The following GRIA1 variants were observed in gnomAD, a reference collection of about 807,000 sequenced individuals.
GRIA1 encodes the protein glutamate receptor 1.
GRIA1 carries 31 observed loss-of-function variants against 99.2 expected under a neutral mutation model. The ratio of observed to expected loss-of-function variants is 0.31; its 90% CI spans 0.23 to 0.42. The LOEUF (loss-of-function observed/expected upper bound fraction) is 0.42, where lower values mean the gene tolerates loss of function less well. GRIA1 is among the 10% of genes least tolerant of loss of function. GRIA1 has a pLI of 1.00. For missense variants in GRIA1, 782 were observed against 1,157.5 expected, an observed-to-expected ratio of 0.68 and a Z score of 4.71; for synonymous variants, 438 against 432.4, an observed-to-expected ratio of 1.01 and a Z score of -0.16.
chr5:153,529,616 G>A (rs1030932825), intron 2 of GRIA1, among the ~76,000 whole-genome samples: 2 of 152,164 alleles, frequency 1.3e-5, no homozygotes, highest in Admixed American at 1.3e-4. Flanking sequence ...CACCCTAAAA[G>A]TTGAGGGCAA....
chr5:153,680,264 G>A (rs1239836416), intron 7 of GRIA1, among the ~76,000 whole-genome samples: 1 of 152,000 alleles, frequency 6.6e-6, no homozygotes, highest in Non-Finnish European at 1.5e-5. Context: ...CCTAGCAGCA[G>A]AATGAAGATA....
chr5:153,524,986 C>T (rs1757473205), intron 2 of GRIA1, among the ~76,000 whole-genome samples: 1 of 152,190 alleles, frequency 6.6e-6, no homozygotes, highest in East Asian at 1.9e-4. Flanking sequence ...CAGATACATT[C>T]CATCTTAGCA....
chr5:153,498,101 C>T (rs1375199897), intron 2 of GRIA1, among the ~76,000 whole-genome samples: 4 of 152,162 alleles, frequency 2.6e-5, no homozygotes, highest in Non-Finnish European at 5.9e-5. Context: ...TGGAATTTCA[C>T]ATTAGAACTT....
In GRIA1 at chr5:153,770,425, C is replaced by G; in HGVS notation, c.2270+10C>G. 1 of 1,607,282 alleles carries G rather than the reference C, an allele frequency of 6.2e-7. No individual in the cohort carries two copies. Among genetic ancestry groups the G allele is most frequent in the Non-Finnish European group, 8.5e-7 (1 of 1,174,704 alleles). ...AGGGGTCTGCCCTGAGGTAAGTAGCCAAGATTTGCTTCCTTGGTACTCCCT... is the reference window on the plus strand; with the variant it reads ...AGGGGTCTGCCCTGAGGTAAGTAGCGAAGATTTGCTTCCTTGGTACTCCCT... On this transcript the variant is annotated intron_variant, in intron 13 of 15. Transcript: ENST00000285900.
intron 13 of GRIA1, among the ~76,000 whole-genome samples, chr5:153,788,391 A>G (rs1765102914): frequency 6.6e-6 from 1 of 152,026 alleles, no homozygotes; most frequent in Non-Finnish European, 1.5e-5. Flanking sequence ...TCCTCCCTGC[A>G]TTGGGAGAAC....
At chr5:153,536,063 C>A (rs1206554785) in intron 2 of GRIA1, among the ~76,000 whole-genome samples, 1 of 152,160 alleles carries the variant, frequency 6.6e-6, no homozygotes, top group Non-Finnish European at 1.5e-5. Context: ...GGAAATCCAG[C>A]CTCCGTAGTG....
chr5:153,521,830 T>C (rs780250242), intron 2 of GRIA1, among the ~76,000 whole-genome samples: 5 of 152,208 alleles, frequency 3.3e-5, no homozygotes, highest in Admixed American at 6.5e-5. Flanking sequence ...ACATCTCACA[T>C]TGAATCTGAT....
chr5:153,579,860 C>A (rs545874318), intron 2 of GRIA1, among the ~76,000 whole-genome samples: 1 of 150,620 alleles, frequency 6.6e-6, no homozygotes, highest in African/African-American at 2.5e-5. Flanking sequence ...TCAGCTCCTG[C>A]GGGGCCTTGT....
intron 2 of GRIA1, among the ~76,000 whole-genome samples, chr5:153,565,572 A>AAT (rs1581238601): frequency 6.6e-6 from 1 of 152,212 alleles, no homozygotes; most frequent in East Asian, 1.9e-4. Context: ...TTGCAAAAGT[A>AAT]GCCCAGTACC....
intron 2 of GRIA1, among the ~76,000 whole-genome samples, chr5:153,641,893 A>G (rs530306516): frequency 1.1e-4 from 16 of 152,286 alleles, no homozygotes; most frequent in African/African-American, 3.8e-4. Flanking sequence ...TCCCATTGTC[A>G]AAGTGACAAT....
At chr5:153,564,283 A>G (rs1561645744) in intron 2 of GRIA1, among the ~76,000 whole-genome samples, 1 of 152,158 alleles carries the variant, frequency 6.6e-6, no homozygotes, top group African/African-American at 2.4e-5. Context: ...AGCCCTTCCC[A>G]GAGGGAAGAC....
intron 11 of GRIA1, among the ~76,000 whole-genome samples, chr5:153,738,145 G>T (rs1032813473): frequency 6.6e-6 from 1 of 152,206 alleles, no homozygotes; most frequent in Non-Finnish European, 1.5e-5. Flanking sequence ...CTTTCTGTAG[G>T]ACATTCCTAT....
At chr5:153,694,768 T>G (rs1249836511) in intron 8 of GRIA1, among the ~76,000 whole-genome samples, 1 of 152,184 alleles carries the variant, frequency 6.6e-6, no homozygotes. Flanking sequence ...TAATACATCT[T>G]AATACTCAGT....
chr5:153,616,040 C>T (rs1315339921), intron 2 of GRIA1, among the ~76,000 whole-genome samples: 1 of 152,152 alleles, frequency 6.6e-6, no homozygotes, highest in Non-Finnish European at 1.5e-5. Context: ...CAACATTACC[C>T]AGTCTCTCCA....
At chr5:153,810,801 C>T (rs1317222095) in intron 15 of GRIA1, among the ~76,000 whole-genome samples, 1 of 152,216 alleles carries the variant, frequency 6.6e-6, no homozygotes, top group African/African-American at 2.4e-5. Context: ...ATCTAACACA[C>T]TTCATTGAAC....
chr5:153,502,752 C>T (rs551154403), intron 2 of GRIA1, among the ~76,000 whole-genome samples: 2 of 152,096 alleles, frequency 1.3e-5, no homozygotes, highest in Admixed American at 1.3e-4. Flanking sequence ...AAATTGATAC[C>T]CTATGGTTAG....
chr5:153,559,738 A>G (rs1402615900), intron 2 of GRIA1, among the ~76,000 whole-genome samples: 3 of 152,130 alleles, frequency 2.0e-5, no homozygotes, highest in African/African-American at 7.2e-5. Flanking sequence ...GCTCTATTAT[A>G]ATCTTATGGG....
rs145584130 is a variant in GRIA1, at chr5:153,676,615, G to C, written c.862-379G>C. Among the ~76,000 whole-genome samples the C allele has an allele frequency of 7.2e-3, 1,099 of 152,270 alleles. 5 individuals carry two copies. The highest frequency in any genetic ancestry group is 0.011 in the Non-Finnish European group (733 of 68,020). On this transcript the variant is annotated intron_variant, in intron 6 of 15. Transcript: ENST00000285900. ...TAAACCAGCTGATTTTTCATGAACT[G>C]TATCCAGCCTGCAGATGTGTTATAT...
chr5:153,804,085 G>A (rs555368532), intron 15 of GRIA1, among the ~76,000 whole-genome samples: 5 of 152,028 alleles, frequency 3.3e-5, no homozygotes, highest in East Asian at 1.9e-4. Context: ...TTTATGGGCC[G>A]ATCCCTCACC....
Sources: gnomAD v4.1 joint callset for allele counts (sites outside exome capture counted in the v4.1 genomes callset) on GRCh38, gnomAD v4.1.1 for gene constraint, MANE v1.5 for transcripts, NCBI Gene and HGNC (gene_info 2026-07-23, HGNC 2026-07-21) for gene names.